The following SLC25A46 variants were observed in gnomAD, a reference collection of about 807,000 sequenced individuals.
The protein encoded by SLC25A46 is solute carrier family 25 member 46, also known as mitochondrial outer membrane protein SLC25A46.
A neutral mutation model predicts 44.6 loss-of-function variants in SLC25A46; 39 were observed. That is an observed-to-expected ratio of 0.87 (90% CI 0.68 to 1.14). The LOEUF is 1.14. Ranked by LOEUF, SLC25A46 falls within the 50% of genes most tolerant of loss-of-function variation. The probability of loss-of-function intolerance (pLI) is 0.00; values close to 1 mark genes in which losing one functional copy is unlikely to be tolerated. For synonymous variants in SLC25A46, 202 were observed against 185.8 expected (o/e 1.09, Z -0.71); for missense variants, 547 against 522.7 (o/e 1.05, Z -0.45).
intron 7 of SLC25A46, among the ~76,000 whole-genome samples, chr5:110,759,517 A>T (rs1277375244): frequency 6.6e-6 from 1 of 151,664 alleles, no homozygotes; most frequent in Non-Finnish European, 1.5e-5. Flanking sequence ...AGGTGCAAAA[A>T]CTCTCAAGTG....
At position 110,748,032 on chromosome 5, in the gene SLC25A46, G is replaced by A. The variant is rs987156483; in HGVS notation, c.463-131G>A. On this transcript the variant is annotated intron_variant, in intron 4 of 7. Transcript: ENST00000355943. ...TTAAAATGATATAAAATTAATTGTA[G>A]TTCTCTACTAATATTTCTATTAGAA... 5 of 600,066 alleles carry A rather than the reference G, an allele frequency of 8.3e-6. No individual in the cohort carries two copies. The East Asian group carries it at 1.4e-4, about 17-fold the overall frequency. The allele number at this position is 600,066 out of a possible 1,614,324, so 37.2% of individuals were successfully genotyped here.
At chr5:110,752,605 C>T (rs139634215) in intron 5 of SLC25A46, among the ~76,000 whole-genome samples, 2 of 152,218 alleles carry the variant, frequency 1.3e-5, no homozygotes, top group Non-Finnish European at 2.9e-5. Context: ...TTTAAACACA[C>T]GTTATTTTAA....
At position 110,739,288 on chromosome 5, in the gene SLC25A46, T is replaced by C. The variant is rs761045034; in HGVS notation, c.169T>C (p.Trp57Arg). 2.5e-6 allele frequency: 4 copies of C among 1,574,890 alleles called. No individual in the cohort carries two copies. In the Admixed American group the frequency reaches 7.4e-5, roughly 29 times the overall value. ...TATCCCCGGCAGCCGCAACCTGCAC[T>C]GGGGCGAGAAGAGCCCGCCCTACGG... ...PDIPGSRNLH[W>R]GEKSPPYGVP... The change falls in exon 1 of 8, where the codon TGG becomes CGG. Residue 57 changes from tryptophan to arginine, a missense_variant. Trp to Arg is a moderately radical substitution (Grantham distance 101, BLOSUM62 -3). Coordinates refer to ENST00000355943, the MANE Select transcript of SLC25A46 (RefSeq NM_138773.4).
rs768945440 is a variant in SLC25A46, at chr5:110,763,640, A to C, written c.*1858A>C. ...AATAGAATCAAGTATTTACTAGTGAAAATCTGTAGGATCCTTTGTTTAGCT... is the reference window on the plus strand; with the variant it reads ...AATAGAATCAAGTATTTACTAGTGACAATCTGTAGGATCCTTTGTTTAGCT... On this transcript the variant is annotated 3_prime_UTR_variant, in exon 8 of 8. Transcript: ENST00000355943. The C allele has an allele frequency of 6.6e-6, 1 of 151,874 alleles. No homozygotes were observed. Among genetic ancestry groups the C allele is most frequent in the Non-Finnish European group, 1.5e-5 (1 of 67,874 alleles). The allele number at this position is 151,874 out of a possible 1,614,324, so 9.4% of individuals were successfully genotyped here. A position where few individuals can be genotyped will look rare whatever the true frequency, so the allele number is the denominator to read the frequency against.
Position 110,761,901 on chromosome 5 carries a change from C to T in SLC25A46, c.*119C>T. On this transcript the variant is annotated 3_prime_UTR_variant, in exon 8 of 8. Transcript: ENST00000355943. This position sits in a 1 kb window ranked among gnomAD's most constrained non-coding sequence, Gnocchi z 5.3. ...AATGGATTGGAAAGTAAAATTGGTA[C>T]TAAAGCCCATACTGATTATCTTGAC... 3.6e-6 allele frequency: 3 copies of T among 823,208 alleles called. No individual in the cohort carries two copies. Among genetic ancestry groups the T allele is most frequent in the Non-Finnish European group, 3.7e-6 (2 of 540,412 alleles). The allele number at this position is 823,208 out of a possible 1,614,324, so 51.0% of individuals were successfully genotyped here. A position where few individuals can be genotyped will look rare whatever the true frequency, so the allele number is the denominator to read the frequency against.
At position 110,761,643 on chromosome 5, in the gene SLC25A46, T is replaced by G; in HGVS notation, c.1118T>G (p.Ile373Ser). 2 of 1,613,684 alleles carry G rather than the reference T, an allele frequency of 1.2e-6. No homozygotes were observed. Among genetic ancestry groups the G allele is most frequent in the Non-Finnish European group, 1.7e-6 (2 of 1,179,742 alleles). Residue 373 changes from isoleucine (I) to serine (S), a missense_variant, in exon 8 of 8, where the codon ATC becomes AGC. Transcript: ENST00000355943. This position sits in a 1 kb window ranked among gnomAD's most constrained non-coding sequence, Gnocchi z 5.3. Reference protein sequence around the residue: ...NTQYEGMRDCINTIRQEEGVF... With the variant: ...NTQYEGMRDCSNTIRQEEGVF... ...CAATATGAGGGAATGAGAGACTGTA[T>G]CAATACCATAAGGCAGGAGGAAGGA... is the stretch of plus-strand genomic sequence containing the variant.
At chr5:110,753,677 T>A (rs767409331) in intron 5 of SLC25A46, 36 of 152,130 alleles carry the variant, frequency 2.4e-4, no homozygotes, top group Non-Finnish European at 5.0e-4. Flanking sequence ...AGAGAACAGA[T>A]ACAAAGAAGA....
chr5:110,764,863 A>C lies in SLC25A46; in HGVS notation c.*3081A>C, dbSNP rs1418685961. ...CAATTGACATTGCACTAGAATTTGAATGATACTGTTGTTGGCATTTCTGTT... is the reference window on the plus strand; with the variant it reads ...CAATTGACATTGCACTAGAATTTGACTGATACTGTTGTTGGCATTTCTGTT... On this transcript the variant is annotated 3_prime_UTR_variant, in exon 8 of 8. Coordinates refer to ENST00000355943, the MANE Select transcript of SLC25A46 (RefSeq NM_138773.4). The C allele has an allele frequency of 2.6e-5, 4 of 152,004 alleles. No homozygotes were observed. Among genetic ancestry groups the C allele is most frequent in the Admixed American group, 1.3e-4 (2 of 15,208 alleles). The allele number at this position is 152,004 out of a possible 1,614,324, so 9.4% of individuals were successfully genotyped here. A position where few individuals can be genotyped will look rare whatever the true frequency, so the allele number is the denominator to read the frequency against.
intron 7 of SLC25A46, among the ~76,000 whole-genome samples, chr5:110,760,057 C>T (rs1261403762): frequency 6.6e-6 from 1 of 152,056 alleles, no homozygotes; most frequent in African/African-American, 2.4e-5. Flanking sequence ...TTGTGAACTC[C>T]ATTTGGAGTT....
In SLC25A46 at chr5:110,761,078, G is replaced by T; in HGVS notation, c.679-126G>T. ...GATGCCTAGATAACAGTTAAAGTCT[G>T]CAAATCATGGATGTTTCCCTCTTCA... On this transcript the variant is annotated intron_variant, in intron 7 of 7. Coordinates refer to ENST00000355943, the MANE Select transcript of SLC25A46 (RefSeq NM_138773.4). This position sits in a 1 kb window ranked among gnomAD's most constrained non-coding sequence, Gnocchi z 5.3. 1 of 723,992 alleles carries T rather than the reference G, an allele frequency of 1.4e-6. No homozygotes were observed. Among genetic ancestry groups the T allele is most frequent in the Non-Finnish European group, 2.3e-6 (1 of 441,456 alleles). The allele number at this position is 723,992 out of a possible 1,614,324, so 44.8% of individuals were successfully genotyped here. A position where few individuals can be genotyped will look rare whatever the true frequency, so the allele number is the denominator to read the frequency against.
At chr5:110,743,631 G>T in intron 2 of SLC25A46, 99 bp from the exon 3 acceptor site, 1 of 582,024 alleles carries the variant, frequency 1.7e-6, no homozygotes. Context: ...ATAAAATAAT[G>T]CATGATTCTT....
chr5:110,739,285 C>T lies in SLC25A46; in HGVS notation c.166C>T (p.His56Tyr), dbSNP rs771987009. The change falls in exon 1 of 8, where the codon CAC becomes TAC. Residue 56 changes from histidine (H) to tyrosine (Y), a missense_variant. By Grantham distance (83) the His-to-Tyr change is moderately conservative. Transcript: ENST00000355943. ...AGATATCCCCGGCAGCCGCAACCTG[C>T]ACTGGGGCGAGAAGAGCCCGCCCTA... is the stretch of plus-strand genomic sequence containing the variant. Reference protein sequence around the residue: ...PPDIPGSRNLHWGEKSPPYGV... With the variant: ...PPDIPGSRNLYWGEKSPPYGV... 1 of 1,575,422 alleles carries T rather than the reference C, an allele frequency of 6.3e-7. No homozygotes were observed. Among genetic ancestry groups the T allele is most frequent in the South Asian group, 1.2e-5 (1 of 85,990 alleles).
chr5:110,750,211 ATT>A (rs1554092418), intron 5 of SLC25A46, among the ~76,000 whole-genome samples: 2 of 145,174 alleles, frequency 1.4e-5, no homozygotes, highest in Admixed American at 6.7e-5. Context: ...CAAAACAAAG[ATT>A]AGAAAGGTCA....
At chr5:110,753,670 G>C (rs1020071332) in intron 5 of SLC25A46, 1 of 152,062 alleles carries the variant, frequency 6.6e-6, no homozygotes, top group East Asian at 1.9e-4. Flanking sequence ...AAGTAGTAGA[G>C]AACAGATACA....
upstream of SLC25A46, chr5:110,738,299 C>T: frequency 3.2e-6 from 4 of 1,246,958 alleles, no homozygotes; most frequent in Non-Finnish European, 4.1e-6. Context: ...TTAGAGGTCC[C>T]AATTTTGAAC....
chr5:110,754,397 C>G (rs1413199643), intron 5 of SLC25A46: 1 of 96,626 alleles, frequency 1.0e-5, no homozygotes, highest in Non-Finnish European at 2.2e-5. Flanking sequence ...CTTTTTTTTT[C>G]TTTTCTTTTT....
Position 110,763,276 on chromosome 5 carries a change from C to T in SLC25A46, c.*1494C>T, listed in dbSNP as rs909857079. ...TGCATACGAATAGAAATTCATTTTA[C>T]TTGCTAAATGTCACAGAAATGGTTA... On this transcript the variant is annotated 3_prime_UTR_variant, in exon 8 of 8. Coordinates refer to ENST00000355943, the MANE Select transcript of SLC25A46 (RefSeq NM_138773.4). The T allele has an allele frequency of 6.6e-6, 1 of 151,840 alleles. No homozygotes were observed. The highest frequency in any genetic ancestry group is 2.4e-5 in the African/African-American group (1 of 41,390). 9.4% of individuals were successfully genotyped at this position (151,840 alleles called of 1,614,324 possible).
chr5:110,748,085 A>G (rs990355997), intron 4 of SLC25A46, 78 bp from the exon 5 acceptor site: 2 of 936,070 alleles, frequency 2.1e-6, no homozygotes, highest in Non-Finnish European at 1.7e-6. Context: ...ATGTCTACAC[A>G]ATATCAAGTT....
intron 5 of SLC25A46, 132 bp from the exon 6 acceptor site, chr5:110,755,333 C>T (rs1011779489): frequency 5.1e-6 from 3 of 589,558 alleles, no homozygotes; most frequent in African/African-American, 3.9e-5. Flanking sequence ...AGAAAATGTT[C>T]ACCATTAGAA....
Sources: allele counts gnomAD v4.1 joint callset (sites outside exome capture counted in the v4.1 genomes callset), GRCh38; gene constraint gnomAD v4.1.1; non-coding constraint Gnocchi (gnomAD v3.1); transcripts MANE v1.5; gene names NCBI Gene and HGNC (gene_info 2026-07-23, HGNC 2026-07-21).